TLL2: variants seen among roughly 807,000 people sequenced by gnomAD.
The protein encoded by TLL2 is tolloid like 2, also known as tolloid-like protein 2.
In TLL2, 106 loss-of-function variants were observed where a neutral mutation model predicts 123.0. The ratio of observed to expected loss-of-function variants is 0.86; its 90% CI spans 0.74 to 1.01. The LOEUF (loss-of-function observed/expected upper bound fraction) is 1.01, where lower values mean the gene tolerates loss of function less well. Ranked by LOEUF, TLL2 falls within the 50% of genes least tolerant of loss-of-function variation. TLL2 has a pLI of 0.00. For synonymous variants in TLL2, 494 were observed against 516.8 expected (o/e 0.96, Z 0.60); for missense variants, 1,332 against 1,336.7 (o/e 1.00, Z 0.06).
intron 15 of TLL2, among the ~76,000 whole-genome samples, 169 bp from the exon 16 acceptor site, chr10:96,384,936 G>C (rs1846219456): frequency 6.6e-6 from 1 of 152,202 alleles, no homozygotes; most frequent in Non-Finnish European, 1.5e-5. Flanking sequence ...AGGGCACAGG[G>C]GGACCCCTGG....
intron 19 of TLL2, 101 bp downstream of exon 19, chr10:96,373,495 C>T: frequency 8.6e-7 from 1 of 1,157,378 alleles, no homozygotes; most frequent in East Asian, 2.4e-5. Context: ...CCTCGCCCTC[C>T]CCCAGTCAGA....
At chr10:96,482,183 G>A (rs1464909057) in intron 1 of TLL2, among the ~76,000 whole-genome samples, 2 of 152,002 alleles carry the variant, frequency 1.3e-5, no homozygotes, top group Non-Finnish European at 1.5e-5. Flanking sequence ...GCGTGAACCC[G>A]GGCGGCGGAG....
chr10:96,466,230 G>C (rs1051079903), intron 2 of TLL2, among the ~76,000 whole-genome samples: 5 of 152,226 alleles, frequency 3.3e-5, no homozygotes, highest in African/African-American at 1.2e-4. Context: ...GCCAAGGCCA[G>C]CTGGGCCTTT....
intron 10 of TLL2, among the ~76,000 whole-genome samples, chr10:96,399,581 A>C (rs1333382764): frequency 6.6e-6 from 1 of 152,206 alleles, no homozygotes; most frequent in Non-Finnish European, 1.5e-5. Context: ...TGGCAAGAAA[A>C]AATCCACCAG....
At chr10:96,387,202 C>T in intron 13 of TLL2, 124 bp from the exon 14 acceptor site, 2 of 1,391,508 alleles carry the variant, frequency 1.4e-6, no homozygotes, top group East Asian at 4.7e-5. Context: ...TCCTGGTGAC[C>T]ACCTCCCAAA....
In TLL2 at chr10:96,395,313, G is replaced by T. The variant is rs1479490510; in HGVS notation, c.1600C>A (p.Leu534Met). The T allele has an allele frequency of 1.2e-6, 2 of 1,613,850 alleles. No individual in the cohort carries two copies. Among genetic ancestry groups the T allele is most frequent in the Admixed American group, 1.7e-5 (1 of 59,982 alleles). The change falls in exon 13 of 21, where the codon CTG becomes ATG. Residue 534 changes from leucine to methionine, a missense_variant. Coordinates refer to ENST00000357947, the MANE Select transcript of TLL2 (RefSeq NM_012465.4). ...VRDGPTEESA[L>M]IGHFCGYEKP... ...TCATAGCCACAAAAGTGGCCGATCA[G>T]GGCACTCTCTTCCGTGGGGCCATCC...
chr10:96,378,857 A>G (rs1846160410), intron 17 of TLL2, 110 bp downstream of exon 17: 1 of 1,427,272 alleles, frequency 7.0e-7, no homozygotes, highest in Non-Finnish European at 9.6e-7. Flanking sequence ...CTCAGCTCAG[A>G]AGGTGGAAGA....
chr10:96,386,563 C>T (rs1410387440), intron 14 of TLL2, among the ~76,000 whole-genome samples: 3 of 152,226 alleles, frequency 2.0e-5, no homozygotes, highest in African/African-American at 7.2e-5. Context: ...CAAGCGGATT[C>T]ATGCACGTGG....
rs146647690 is a variant in TLL2, at chr10:96,480,880, C to T, written c.176-421G>A. Among the ~76,000 whole-genome samples, 173 of 152,294 alleles carry T rather than the reference C, an allele frequency of 1.1e-3. 1 individual carries two copies. Among genetic ancestry groups the T allele is most frequent in the Middle Eastern group, 0.01 (3 of 294 alleles). ...GCCCTTCCCTGGGGAAAGATTATAG[C>T]TCACTGCCCCATTGGTGTCAGGATT... On this transcript the variant is annotated intron_variant, in intron 1 of 20. Transcript: ENST00000357947.
intron 6 of TLL2, 82 bp from the exon 7 acceptor site, chr10:96,421,143 A>G: frequency 9.9e-7 from 1 of 1,013,636 alleles, no homozygotes; most frequent in Non-Finnish European, 1.5e-6. Context: ...AGGAGGGCCC[A>G]TAACAACTTC....
rs771805906 is a variant in TLL2 at position 96,422,640 on chromosome 10, G to T, written c.726C>A (p.His242Gln). The change falls in exon 6 of 21, where the codon CAC (histidine) becomes CAA (glutamine). Residue 242 changes from histidine to glutamine, a missense_variant. By Grantham distance (24) the His-to-Gln change is conservative. Coordinates refer to ENST00000357947, the MANE Select transcript of TLL2 (RefSeq NM_012465.4). ...KNCDKFGIVAHELGHVVGFWH... is the reference protein window; with the variant it reads ...KNCDKFGIVAQELGHVVGFWH... Reference sequence around the variant, plus strand: ...AAAACCCAACCACATGGCCCAGCTCGTGAGCCACAATGCCAAACTTGTCAC... The same window carrying T: ...AAAACCCAACCACATGGCCCAGCTCTTGAGCCACAATGCCAAACTTGTCAC... 1 of 1,614,178 alleles carries T rather than the reference G, an allele frequency of 6.2e-7. No individual in the cohort carries two copies. Among genetic ancestry groups the T allele is most frequent in the Non-Finnish European group, 8.5e-7 (1 of 1,180,044 alleles).
intron 2 of TLL2, among the ~76,000 whole-genome samples, chr10:96,446,846 A>C (rs1405754789): frequency 6.6e-6 from 1 of 152,218 alleles, no homozygotes; most frequent in Non-Finnish European, 1.5e-5. Context: ...TTGACCTACT[A>C]TGGGCCAGGT....
At chr10:96,425,826 GT>G (rs1016482469) in intron 5 of TLL2, among the ~76,000 whole-genome samples, 3 of 151,972 alleles carry the variant, frequency 2.0e-5, no homozygotes, top group African/African-American at 7.2e-5. Context: ...AATATTCACA[GT>G]TTTTCTTTCT....
At chr10:96,429,321 A>T (rs1424032487) in intron 4 of TLL2, among the ~76,000 whole-genome samples, 1 of 151,088 alleles carries the variant, frequency 6.6e-6, no homozygotes, top group African/African-American at 2.4e-5. Flanking sequence ...CATGTTGTAT[A>T]CCTTGAATAT....
chr10:96,459,713 T>C (rs867787927), intron 2 of TLL2, among the ~76,000 whole-genome samples: 41 of 80,334 alleles, frequency 5.1e-4, no homozygotes, highest in African/African-American at 1.7e-3. Flanking sequence ...AAAATATATA[T>C]ATATATATAT....
intron 2 of TLL2, among the ~76,000 whole-genome samples, chr10:96,457,809 G>A (rs1356381305): frequency 6.6e-6 from 1 of 152,208 alleles, no homozygotes; most frequent in Admixed American, 6.5e-5. Flanking sequence ...CAGAGATGCT[G>A]AAGGCCAAAA....
intron 1 of TLL2, among the ~76,000 whole-genome samples, chr10:96,512,454 A>G (rs1847641155): frequency 6.6e-6 from 1 of 152,204 alleles, no homozygotes; most frequent in African/African-American, 2.4e-5. Flanking sequence ...CAGGCCCCGC[A>G]GAGACCTGGC....
At chr10:96,411,857 A>G (rs910231895) in intron 8 of TLL2, among the ~76,000 whole-genome samples, 1 of 152,152 alleles carries the variant, frequency 6.6e-6, no homozygotes, top group Non-Finnish European at 1.5e-5. Context: ...GAAATCCTGG[A>G]TGTCGGGGCT....
At chr10:96,427,046 TG>T (rs937354446) in intron 5 of TLL2, among the ~76,000 whole-genome samples, 18 of 152,218 alleles carry the variant, frequency 1.2e-4, no homozygotes, top group Admixed American at 6.5e-5. Context: ...TCTTTTATTT[TG>T]AACCATAGGG....
Sources: allele counts gnomAD v4.1 joint callset (sites outside exome capture counted in the v4.1 genomes callset), GRCh38; gene constraint gnomAD v4.1.1; transcripts MANE v1.5; gene names NCBI Gene and HGNC (gene_info 2026-07-23, HGNC 2026-07-21).